RAMP1: variants seen among roughly 807,000 people sequenced by gnomAD.
The protein encoded by RAMP1 is receptor activity-modifying protein 1.
In RAMP1, 7 loss-of-function variants were observed where a neutral mutation model predicts 8.2. The observed-to-expected ratio is 0.85, with a 90% CI of 0.49 to 1.60. The LOEUF (loss-of-function observed/expected upper bound fraction) is 1.60. Among genes scored for constraint, RAMP1 ranks in the 40% most tolerant of loss-of-function variants. The pLI, the probability that RAMP1 is intolerant of heterozygous loss-of-function variation, is 0.00. For synonymous variants in RAMP1, 92 were observed against 84.7 expected (o/e 1.09, Z -0.47); for missense variants, 192 against 202.4 (o/e 0.95, Z 0.31).
At position 237,885,804 on chromosome 2, in the gene RAMP1, G is replaced by C. The variant is rs570398890; in HGVS notation, c.191+8442G>C. Among the ~76,000 whole-genome samples, 3 of 152,232 alleles carry C rather than the reference G, an allele frequency of 2.0e-5. No homozygotes were observed. In the South Asian group the frequency reaches 6.2e-4, roughly 32 times the overall value. ...CTAGATGTCTGTTCCCCCACCCTCT[G>C]CCCCCCCTGGGTGGGAGAATCTTTC... On this transcript the variant is annotated intron_variant, in intron 2 of 2. Transcript: ENST00000254661.
chr2:237,879,931 C>T (rs1018172424), intron 2 of RAMP1, among the ~76,000 whole-genome samples: 6 of 140,444 alleles, frequency 4.3e-5, no homozygotes, highest in African/African-American at 8.2e-5. Context: ...CGGAGGTTGC[C>T]GTGAGCCGAG....
At chr2:237,906,991 G>A (rs1329975486) in intron 2 of RAMP1, among the ~76,000 whole-genome samples, 2 of 152,092 alleles carry the variant, frequency 1.3e-5, no homozygotes, top group African/African-American at 2.4e-5. Flanking sequence ...CCAAAGTGCT[G>A]GAATCACAGG....
rs764624448 is a variant in RAMP1 at position 237,911,745 on chromosome 2, G to T, written c.409G>T (p.Val137Leu). 4 of 1,612,814 alleles carry T rather than the reference G, an allele frequency of 2.5e-6. No homozygotes were observed. The highest frequency in any genetic ancestry group is 3.4e-6 in the Non-Finnish European group (4 of 1,179,588). ...ITVTLLVTAL[V>L]VWQSKRTEGI... ...GGTGACCCTGCTGGTGACGGCACTG[G>T]TGGTCTGGCAGAGCAAGCGCACTGA... Residue 137 changes from valine to leucine, a missense_variant, in exon 3 of 3, where the codon GTG becomes TTG. Transcript: ENST00000254661.
In RAMP1 at chr2:237,877,457, C is replaced by G; in HGVS notation, c.191+95C>G. 2 of 1,484,070 alleles carry G rather than the reference C, an allele frequency of 1.3e-6. No individual in the cohort carries two copies. Among genetic ancestry groups the G allele is most frequent in the Non-Finnish European group, 1.8e-6 (2 of 1,108,598 alleles). The allele number at this position is 1,484,070 out of a possible 1,614,324, so 91.9% of individuals were successfully genotyped here. Reference sequence around the variant, plus strand: ...GACCACGTGGGAGCTGTGGAAGATCCTTTCTAGACCCCGGAAGGGTTCTTC... The same window carrying G: ...GACCACGTGGGAGCTGTGGAAGATCGTTTCTAGACCCCGGAAGGGTTCTTC... On this transcript the variant is annotated intron_variant, in intron 2 of 2. Coordinates refer to ENST00000254661, the MANE Select transcript of RAMP1 (RefSeq NM_005855.4). This position sits in a 1 kb window ranked among gnomAD's most constrained non-coding sequence, Gnocchi z 4.4.
chr2:237,887,809 G>T (rs528072839), intron 2 of RAMP1, among the ~76,000 whole-genome samples: 1 of 152,166 alleles, frequency 6.6e-6, no homozygotes, highest in Non-Finnish European at 1.5e-5. Flanking sequence ...TGTAATGGGC[G>T]CACCTGTAGT....
chr2:237,890,973 C>T (rs1240099901), intron 2 of RAMP1, among the ~76,000 whole-genome samples: 3 of 152,162 alleles, frequency 2.0e-5, no homozygotes, highest in African/African-American at 4.8e-5. Context: ...CACTTCCCCC[C>T]TTTTCCCTTT....
chr2:237,902,517 G>A (rs567865185), intron 2 of RAMP1, among the ~76,000 whole-genome samples: 2 of 152,056 alleles, frequency 1.3e-5, no homozygotes, highest in South Asian at 4.1e-4. Flanking sequence ...TGCCCCCAGG[G>A]CCCACCCCGC....
chr2:237,873,419 G>T (rs534906557), intron 1 of RAMP1, among the ~76,000 whole-genome samples: 101 of 152,312 alleles, frequency 6.6e-4, no homozygotes, highest in Middle Eastern at 3.4e-3. Context: ...GGGGGGCCCG[G>T]CTGCCCCGTC....
At chr2:237,909,597 C>T (rs940750675) in intron 2 of RAMP1, among the ~76,000 whole-genome samples, 6 of 152,158 alleles carry the variant, frequency 3.9e-5, no homozygotes, top group Non-Finnish European at 7.4e-5. Flanking sequence ...AAGGAGCCGG[C>T]GTGGTCTGGG....
chr2:237,884,426 G>A (rs1198826), intron 2 of RAMP1, among the ~76,000 whole-genome samples: 66,923 of 152,004 alleles, frequency 0.44, 15,403 homozygotes, highest in Non-Finnish European at 0.51. Flanking sequence ...GTGTAGGGGA[G>A]GGAGAGAGAA....
At position 237,862,692 on chromosome 2, in the gene RAMP1, C is replaced by G. The variant is rs1442539441; in HGVS notation, c.52+2965C>G. Among the ~76,000 whole-genome samples, 1 of 152,212 alleles carries G rather than the reference C, an allele frequency of 6.6e-6. No individual in the cohort carries two copies. The highest frequency in any genetic ancestry group is 1.5e-5 in the Non-Finnish European group (1 of 68,024). On this transcript the variant is annotated intron_variant, in intron 1 of 2. Transcript: ENST00000254661. The surrounding 1 kb of genome is among the most constrained non-coding windows in gnomAD (Gnocchi z 4.0). Reference sequence around the variant, plus strand: ...CGGGCTTGCCTGCCAGTGCCCCTGCCAGTGCCCCCACCCCCAACTCAGGCC... The same window carrying G: ...CGGGCTTGCCTGCCAGTGCCCCTGCGAGTGCCCCCACCCCCAACTCAGGCC...
chr2:237,891,385 C>T lies in RAMP1; in HGVS notation c.191+14023C>T, dbSNP rs377428853. Among the ~76,000 whole-genome samples the T allele has an allele frequency of 6.6e-4, 100 of 152,232 alleles. 2 individuals are homozygous for T. The East Asian group carries it at 0.018, about 27-fold the overall frequency. ...CAGGATGGTCTCGATCTCCTGACCT[C>T]GTGATCCGCCTGCCTCGGCCTCCCA... On this transcript the variant is annotated intron_variant, in intron 2 of 2. Coordinates refer to ENST00000254661, the MANE Select transcript of RAMP1 (RefSeq NM_005855.4).
At chr2:237,897,388 G>A (rs1009588336) in intron 2 of RAMP1, among the ~76,000 whole-genome samples, 1 of 152,224 alleles carries the variant, frequency 6.6e-6, no homozygotes, top group Non-Finnish European at 1.5e-5. Context: ...TCATCAGCAT[G>A]CTCTACAGTC....
intron 1 of RAMP1, among the ~76,000 whole-genome samples, chr2:237,864,151 C>A (rs867011199): frequency 2.7e-5 from 4 of 148,866 alleles, no homozygotes; most frequent in Non-Finnish European, 5.9e-5. Context: ...AGTGACCTGG[C>A]CCGTGGCCTG....
chr2:237,864,023 G>A (rs980233228), intron 1 of RAMP1, among the ~76,000 whole-genome samples: 1 of 152,100 alleles, frequency 6.6e-6, no homozygotes, highest in Non-Finnish European at 1.5e-5. Context: ...GACCCTCAGG[G>A]TACGTTAGTG....
Position 237,862,674 on chromosome 2 carries a change from G to GCCTGCCAGTGCC in RAMP1, c.52+2962_52+2973dup, listed in dbSNP as rs1019093913. Among the ~76,000 whole-genome samples the GCCTGCCAGTGCC allele has an allele frequency of 6.6e-6, 1 of 152,184 alleles. No homozygotes were observed. Among genetic ancestry groups the GCCTGCCAGTGCC allele is most frequent in the Non-Finnish European group, 1.5e-5 (1 of 68,026 alleles). On this transcript the variant is annotated intron_variant, in intron 1 of 2. Coordinates refer to ENST00000254661, the MANE Select transcript of RAMP1 (RefSeq NM_005855.4). This position sits in a 1 kb window ranked among gnomAD's most constrained non-coding sequence, Gnocchi z 4.0. ...CCAGAGAGTGAAGCCCCTCGGGCTT[G>GCCTGCCAGTGCC]CCTGCCAGTGCCCCTGCCAGTGCCC...
intron 2 of RAMP1, among the ~76,000 whole-genome samples, chr2:237,902,802 G>A (rs1398891600): frequency 3.9e-5 from 6 of 152,226 alleles, no homozygotes; most frequent in Admixed American, 1.3e-4. Context: ...TTTCCTGTGA[G>A]CCTTCCTGCT....
intron 1 of RAMP1, chr2:237,859,977 G>A (rs2062116827): frequency 2.5e-6 from 1 of 405,118 alleles, no homozygotes; most frequent in African/African-American, 2.1e-5. Flanking sequence ...GGGGACGTCG[G>A]AGAGCGGGCA....
intron 2 of RAMP1, among the ~76,000 whole-genome samples, chr2:237,880,235 G>A (rs976288212): frequency 1.6e-4 from 25 of 152,148 alleles, no homozygotes; most frequent in Admixed American, 2.6e-4. Flanking sequence ...TGGGAGATGC[G>A]GGATCATCCC....
Sources: gnomAD v4.1 joint callset for allele counts (sites outside exome capture counted in the v4.1 genomes callset) on GRCh38, gnomAD v4.1.1 for gene constraint, Gnocchi (gnomAD v3.1) non-coding constraint, MANE v1.5 for transcripts, NCBI Gene and HGNC (gene_info 2026-07-23, HGNC 2026-07-21) for gene names.